The following C1QTNF7 variants were observed in gnomAD, a reference collection of about 807,000 sequenced individuals.
C1QTNF7 encodes the protein complement C1q tumor necrosis factor-related protein 7.
A neutral mutation model predicts 19.6 loss-of-function variants in C1QTNF7; 15 were observed. The ratio of observed to expected loss-of-function variants is 0.76; its 90% CI spans 0.51 to 1.18. The LOEUF is 1.18. Ranked by LOEUF, C1QTNF7 falls within the 50% of genes most tolerant of loss-of-function variation. The pLI, the probability that C1QTNF7 is intolerant of heterozygous loss-of-function variation, is 0.00. For synonymous variants in C1QTNF7, 142 were observed against 137.5 expected, an observed-to-expected ratio of 1.03 and a Z score of -0.23; for missense variants, 324 against 359.7, an observed-to-expected ratio of 0.90 and a Z score of 0.80.
At chr4:15,409,886 A>G (rs983945823) in intron 1 of C1QTNF7, among the ~76,000 whole-genome samples, 1 of 152,244 alleles carries the variant, frequency 6.6e-6, no homozygotes. Flanking sequence ...AGTAAATCAT[A>G]AATATGATGA....
chr4:15,436,660 C>T (rs1482547688), intron 2 of C1QTNF7, among the ~76,000 whole-genome samples: 3 of 152,214 alleles, frequency 2.0e-5, no homozygotes, highest in Non-Finnish European at 4.4e-5. Flanking sequence ...GTAATTTTCA[C>T]TTTGTTTCCT....
chr4:15,371,063 T>C (rs1031064879), intron 1 of C1QTNF7, among the ~76,000 whole-genome samples: 2 of 152,222 alleles, frequency 1.3e-5, no homozygotes, highest in African/African-American at 4.8e-5. Context: ...CTTCACGCCC[T>C]GTCCCGTCAG....
intron 1 of C1QTNF7, among the ~76,000 whole-genome samples, chr4:15,368,219 C>CT (rs1717597332): frequency 6.6e-6 from 1 of 152,034 alleles, no homozygotes; most frequent in African/African-American, 2.4e-5. Flanking sequence ...AAGAGTCACC[C>CT]GTGTGGTTGG....
intron 1 of C1QTNF7, among the ~76,000 whole-genome samples, chr4:15,349,590 T>C (rs1560337151): frequency 6.6e-6 from 1 of 152,144 alleles, no homozygotes; most frequent in Non-Finnish European, 1.5e-5. Flanking sequence ...AATGATTGAG[T>C]GTGAAATTTC....
chr4:15,422,217 A>AG, intron 1 of C1QTNF7, among the ~76,000 whole-genome samples: 1 of 151,708 alleles, frequency 6.6e-6, no homozygotes, highest in South Asian at 2.1e-4. Flanking sequence ...TTTTAAAAAA[A>AG]AAAAAAAGGA....
intron 1 of C1QTNF7, among the ~76,000 whole-genome samples, chr4:15,404,140 T>G (rs1286590553): frequency 6.6e-6 from 1 of 152,226 alleles, no homozygotes; most frequent in Non-Finnish European, 1.5e-5. Context: ...CCATTTTTTG[T>G]TATATAACAA....
intron 1 of C1QTNF7, among the ~76,000 whole-genome samples, chr4:15,346,563 A>AT (rs1716724748): frequency 1.3e-5 from 2 of 152,050 alleles, no homozygotes; most frequent in African/African-American, 4.8e-5. Context: ...TAAATTGGTA[A>AT]TTTTTTCCAT....
intron 1 of C1QTNF7, among the ~76,000 whole-genome samples, chr4:15,389,400 A>G (rs1207061082): frequency 6.6e-6 from 1 of 151,944 alleles, no homozygotes; most frequent in East Asian, 1.9e-4. Flanking sequence ...GTGCATGATG[A>G]TTGGAGGTAG....
intron 1 of C1QTNF7, among the ~76,000 whole-genome samples, chr4:15,356,075 T>C (rs1357009893): frequency 1.3e-5 from 2 of 151,962 alleles, no homozygotes; most frequent in African/African-American, 4.8e-5. Context: ...TGTTTGTTTG[T>C]TTGTTTGTTT....
intron 1 of C1QTNF7, among the ~76,000 whole-genome samples, chr4:15,352,800 G>A (rs556753247): frequency 3.9e-5 from 6 of 152,256 alleles, no homozygotes; most frequent in African/African-American, 7.2e-5. Context: ...CCCTGGACAC[G>A]TAGTCCTTGC....
chr4:15,396,577 C>T (rs891203894), intron 1 of C1QTNF7, among the ~76,000 whole-genome samples: 9 of 151,894 alleles, frequency 5.9e-5, no homozygotes, highest in African/African-American at 2.2e-4. Flanking sequence ...TTAGGGGGCA[C>T]ATTATTTATA....
rs192727324 is a variant in C1QTNF7 at position 15,385,129 on chromosome 4, C to T, written c.13+44922C>T. Among the ~76,000 whole-genome samples the T allele has an allele frequency of 2.1e-3, 314 of 152,272 alleles. 1 individual carries two copies. The highest frequency in any genetic ancestry group is 2.6e-3 in the Non-Finnish European group (177 of 68,026). ...TTGTTTTTTAGGAATTCTAGTTACC[C>T]GCAAGACCAGCACAGTAACAGAGAG... On this transcript the variant is annotated intron_variant, in intron 1 of 2. Transcript: ENST00000295297.
chr4:15,392,375 G>A (rs551980765), intron 1 of C1QTNF7, among the ~76,000 whole-genome samples: 1 of 152,226 alleles, frequency 6.6e-6, no homozygotes, highest in East Asian at 1.9e-4. Context: ...GCAGAACCAA[G>A]GTACACACAC....
intron 1 of C1QTNF7, among the ~76,000 whole-genome samples, chr4:15,395,753 G>C (rs1011283632): frequency 1.3e-5 from 2 of 152,132 alleles, no homozygotes; most frequent in African/African-American, 2.4e-5. Context: ...GGGCACCTTA[G>C]ATATATTGTC....
At chr4:15,393,317 C>T (rs935851622) in intron 1 of C1QTNF7, among the ~76,000 whole-genome samples, 1 of 152,142 alleles carries the variant, frequency 6.6e-6, no homozygotes, top group Non-Finnish European at 1.5e-5. Context: ...AGACTAGTTT[C>T]CCTCTAGCTG....
chr4:15,435,390 AT>A (rs1712488220), intron 1 of C1QTNF7, among the ~76,000 whole-genome samples: 1 of 152,162 alleles, frequency 6.6e-6, no homozygotes, highest in South Asian at 2.1e-4. Flanking sequence ...CCAGGTCTAA[AT>A]TTTTTTCTTT....
intron 1 of C1QTNF7, among the ~76,000 whole-genome samples, chr4:15,353,691 T>G (rs1717015195): frequency 6.6e-6 from 1 of 152,040 alleles, no homozygotes. Context: ...CTAACTCATT[T>G]GGTCATTCTT....
chr4:15,433,652 C>A (rs571757256), intron 1 of C1QTNF7, among the ~76,000 whole-genome samples: 88 of 152,272 alleles, frequency 5.8e-4, no homozygotes, highest in Non-Finnish European at 1.0e-3. Flanking sequence ...AATTTCAACA[C>A]ACAAGTAGCA....
chr4:15,354,796 G>A (rs764287403), intron 1 of C1QTNF7, among the ~76,000 whole-genome samples: 5 of 151,982 alleles, frequency 3.3e-5, no homozygotes, highest in Admixed American at 1.3e-4. Flanking sequence ...TTTTTTCCTA[G>A]TGCTACAAGA....
Sources: allele counts gnomAD v4.1 joint callset (sites outside exome capture counted in the v4.1 genomes callset), GRCh38; gene constraint gnomAD v4.1.1; transcripts MANE v1.5; gene names NCBI Gene and HGNC (gene_info 2026-07-23, HGNC 2026-07-21).